Variants in DENND5B observed in about 807,000 individuals in gnomAD.
DENND5B encodes DENN domain-containing protein 5B.
A neutral mutation model predicts 140.6 loss-of-function variants in DENND5B; 34 were observed. The observed-to-expected ratio is 0.24, with a 90% CI of 0.18 to 0.32. The LOEUF is 0.32. Ranked by LOEUF, DENND5B falls within the 10% of genes least tolerant of loss-of-function variation. The pLI, the probability that DENND5B is intolerant of heterozygous loss-of-function variation, is 1.00. For synonymous variants in DENND5B, 551 were observed against 562.1 expected (o/e 0.98, Z 0.28); for missense variants, 1,142 against 1,560.2 (o/e 0.73, Z 4.52).
intron 1 of DENND5B, chr12:31,534,825 C>A: frequency 2.2e-6 from 1 of 454,450 alleles, no homozygotes; most frequent in Admixed American, 2.6e-5. Flanking sequence ...TTTTTCAGCC[C>A]TGGTTTGATG....
chr12:31,442,326 C>T (rs1944072381), intron 7 of DENND5B, among the ~76,000 whole-genome samples: 1 of 152,098 alleles, frequency 6.6e-6, no homozygotes, highest in Non-Finnish European at 1.5e-5. Flanking sequence ...GGAGCGTGGC[C>T]CTGCCAATTC....
rs1003956857 is a variant in DENND5B at position 31,590,581 on chromosome 12, A to G, written c.127+125T>C. Reference sequence around the variant, plus strand: ...CGCGCCCGAGCGCCAGTTCGGCCAGAAAGCGGCGGGAGGGCGCCACCGGGA... The same window carrying G: ...CGCGCCCGAGCGCCAGTTCGGCCAGGAAGCGGCGGGAGGGCGCCACCGGGA... On this transcript the variant is annotated intron_variant, in intron 1 of 20. Transcript: ENST00000389082. 1.2e-5 allele frequency: 14 copies of G among 1,181,118 alleles called. No individual in the cohort carries two copies. The East Asian group carries it at 3.0e-4, about 25-fold the overall frequency. 73.2% of individuals were successfully genotyped at this position (1,181,118 alleles called of 1,614,324 possible). A position where few individuals can be genotyped will look rare whatever the true frequency, so the allele number is the denominator to read the frequency against.
intron 1 of DENND5B, among the ~76,000 whole-genome samples, chr12:31,555,922 T>A (rs1949262809): frequency 6.6e-6 from 1 of 152,156 alleles, no homozygotes; most frequent in Non-Finnish European, 1.5e-5. Context: ...AATATTAGGG[T>A]GGGAGTGAGC....
At chr12:31,554,222 T>C (rs907049213) in intron 1 of DENND5B, among the ~76,000 whole-genome samples, 1 of 152,198 alleles carries the variant, frequency 6.6e-6, no homozygotes, top group African/African-American at 2.4e-5. Flanking sequence ...TTTCCATGTT[T>C]AGTGCTTCCT....
intron 1 of DENND5B, among the ~76,000 whole-genome samples, chr12:31,503,632 A>G (rs1415799227): frequency 6.6e-6 from 1 of 152,112 alleles, no homozygotes; most frequent in Non-Finnish European, 1.5e-5. Context: ...TGGTCTAACA[A>G]TTTTGCCCAG....
chr12:31,440,824 C>A (rs1943996707), intron 7 of DENND5B, among the ~76,000 whole-genome samples: 1 of 152,178 alleles, frequency 6.6e-6, no homozygotes, highest in African/African-American at 2.4e-5. Context: ...GCCTGACTGC[C>A]TCCCAGGCTC....
At chr12:31,517,224 C>T (rs1357231996) in intron 1 of DENND5B, among the ~76,000 whole-genome samples, 3 of 152,230 alleles carry the variant, frequency 2.0e-5, no homozygotes, top group Non-Finnish European at 4.4e-5. Context: ...GTATAAACTA[C>T]CCCACTACAA....
chr12:31,458,896 T>G (rs933362433), intron 4 of DENND5B, among the ~76,000 whole-genome samples: 1 of 152,158 alleles, frequency 6.6e-6, no homozygotes, highest in African/African-American at 2.4e-5. Context: ...CCTTACATGG[T>G]AATCCTCAGT....
intron 14 of DENND5B, among the ~76,000 whole-genome samples, chr12:31,404,740 C>T (rs1475725601): frequency 6.8e-6 from 1 of 147,660 alleles, no homozygotes; most frequent in Non-Finnish European, 1.5e-5. Context: ...AGGCATAAGC[C>T]ACCGCGTCCG....
At chr12:31,537,382 AGT>A (rs1213383757) in intron 1 of DENND5B, among the ~76,000 whole-genome samples, 1 of 152,168 alleles carries the variant, frequency 6.6e-6, no homozygotes, top group Non-Finnish European at 1.5e-5. Context: ...TTATGAAAAC[AGT>A]GTTAGGCTAT....
intron 11 of DENND5B, among the ~76,000 whole-genome samples, chr12:31,418,425 C>T (rs766949037): frequency 1.1e-4 from 16 of 151,308 alleles, no homozygotes; most frequent in Non-Finnish European, 2.1e-4. Flanking sequence ...ATTACAGGTG[C>T]ATGCCACCAC....
At chr12:31,468,513 A>G (rs976643589) in intron 3 of DENND5B, among the ~76,000 whole-genome samples, 2 of 152,148 alleles carry the variant, frequency 1.3e-5, no homozygotes, top group African/African-American at 4.8e-5. Context: ...CTGGTTCTTT[A>G]AAGAGTAATA....
chr12:31,521,554 T>C (rs1345367836), intron 1 of DENND5B, among the ~76,000 whole-genome samples: 1 of 152,188 alleles, frequency 6.6e-6, no homozygotes, highest in South Asian at 2.1e-4. Flanking sequence ...AAGAAACAGT[T>C]TCATTTTTGT....
At chr12:31,443,093 G>C (rs867463352) in intron 6 of DENND5B, among the ~76,000 whole-genome samples, 168 bp from the exon 7 acceptor site, 6 of 152,138 alleles carry the variant, frequency 3.9e-5, no homozygotes, top group Middle Eastern at 3.4e-3. Context: ...TGCATGTTTT[G>C]AGACAGAGTT....
intron 1 of DENND5B, among the ~76,000 whole-genome samples, chr12:31,529,094 C>T (rs1948189804): frequency 6.9e-6 from 1 of 145,040 alleles, no homozygotes; most frequent in Non-Finnish European, 1.5e-5. Context: ...ACTCGGGAGG[C>T]GGAGGTTGCA....
At chr12:31,498,618 T>C (rs774033246) in intron 1 of DENND5B, among the ~76,000 whole-genome samples, 2 of 152,014 alleles carry the variant, frequency 1.3e-5, no homozygotes, top group Non-Finnish European at 2.9e-5. Flanking sequence ...TTGGCAAATA[T>C]GATTTGGAAG....
At chr12:31,455,584 A>C (rs1436867445) in intron 4 of DENND5B, among the ~76,000 whole-genome samples, 1 of 152,168 alleles carries the variant, frequency 6.6e-6, no homozygotes, top group African/African-American at 2.4e-5. Context: ...CCATTAAATT[A>C]AAAAAAATTC....
intron 7 of DENND5B, among the ~76,000 whole-genome samples, chr12:31,440,398 C>A (rs1475356114): frequency 1.3e-5 from 2 of 152,176 alleles, no homozygotes; most frequent in East Asian, 3.8e-4. Context: ...CACCCCTTCA[C>A]TGGAGGGTGA....
intron 4 of DENND5B, among the ~76,000 whole-genome samples, chr12:31,455,931 A>G (rs1944756175): frequency 6.6e-6 from 1 of 152,208 alleles, no homozygotes; most frequent in Non-Finnish European, 1.5e-5. Flanking sequence ...AGGCAGGAGA[A>G]TCACTTGAAC....
Sources: allele counts gnomAD v4.1 joint callset (sites outside exome capture counted in the v4.1 genomes callset), GRCh38; gene constraint gnomAD v4.1.1; transcripts MANE v1.5; gene names NCBI Gene and HGNC (gene_info 2026-07-23, HGNC 2026-07-21).